The following STK32B variants were observed in gnomAD, a reference collection of about 807,000 sequenced individuals.
The protein encoded by STK32B is serine/threonine kinase 32B.
In STK32B, 43 loss-of-function variants were observed where a neutral mutation model predicts 52.6. The ratio of observed to expected loss-of-function variants is 0.82; its 90% CI spans 0.64 to 1.05. The LOEUF (loss-of-function observed/expected upper bound fraction) is 1.05. STK32B is among the 50% of genes least tolerant of loss of function. The pLI, the probability that STK32B is intolerant of heterozygous loss-of-function variation, is 0.00. For missense variants in STK32B, 621 were observed against 534.6 expected (o/e 1.16, Z -1.59); for synonymous variants, 238 against 204.3 (o/e 1.17, Z -1.41).
intron 1 of STK32B, among the ~76,000 whole-genome samples, chr4:5,117,000 T>G (rs1577078832): frequency 6.6e-6 from 1 of 152,358 alleles, no homozygotes; most frequent in East Asian, 1.9e-4. Context: ...GTTTGTATCC[T>G]GCAACTTTAC....
intron 3 of STK32B, among the ~76,000 whole-genome samples, chr4:5,229,428 A>C (rs555559416): frequency 1.3e-5 from 2 of 152,308 alleles, no homozygotes; most frequent in South Asian, 4.1e-4. Context: ...ATAAATTATT[A>C]GTATCTATGA....
intron 1 of STK32B, among the ~76,000 whole-genome samples, chr4:5,082,247 C>T (rs1364104930): frequency 2.6e-5 from 4 of 152,090 alleles, no homozygotes; most frequent in African/African-American, 9.7e-5. Context: ...GTTTTTGTGA[C>T]TTTTCCCAAT....
chr4:5,416,347 T>C (rs1369004207), intron 5 of STK32B, among the ~76,000 whole-genome samples: 1 of 152,180 alleles, frequency 6.6e-6, no homozygotes, highest in African/African-American at 2.4e-5. Flanking sequence ...CACTTCATCC[T>C]GGATGGAAGG....
chr4:5,307,185 T>C (rs187493635), intron 3 of STK32B, among the ~76,000 whole-genome samples: 20 of 152,334 alleles, frequency 1.3e-4, no homozygotes, highest in African/African-American at 4.8e-4. Context: ...TGTCTAGATC[T>C]TTAACAAGCC....
rs527630928 is a variant in STK32B at position 5,448,167 on chromosome 4, T to C, written c.666+1391T>C. Reference sequence around the variant, plus strand: ...AACAATTTTCTGCTCTTGATCTCAGTTATTTCCCCTGAATTCCTCAAAAAC... The same window carrying C: ...AACAATTTTCTGCTCTTGATCTCAGCTATTTCCCCTGAATTCCTCAAAAAC... On this transcript the variant is annotated intron_variant, in intron 7 of 11. Transcript: ENST00000282908. 5.3e-5 allele frequency among the ~76,000 whole-genome samples: 8 copies of C among 152,374 alleles called. No individual in the cohort carries two copies. The East Asian group carries it at 1.5e-3, about 29-fold the overall frequency.
chr4:5,170,355 A>T (rs1408503837), intron 3 of STK32B, among the ~76,000 whole-genome samples: 3 of 152,126 alleles, frequency 2.0e-5, no homozygotes, highest in African/African-American at 7.2e-5. Context: ...CATGTGCACA[A>T]CGTGCAGGTT....
the STK32B span, among the ~76,000 whole-genome samples, chr4:5,035,375 C>T: frequency 6.6e-6 from 1 of 152,300 alleles, no homozygotes; most frequent in South Asian, 2.1e-4. Flanking sequence ...AATTATAGAG[C>T]TCGACACATA....
At position 5,395,812 on chromosome 4, in the gene STK32B, A is replaced by G. The variant is rs1736850657; in HGVS notation, c.435-2395A>G. On this transcript the variant is annotated intron_variant, in intron 4 of 11. Transcript: ENST00000282908. This position sits in a 1 kb window ranked among gnomAD's most constrained non-coding sequence, Gnocchi z 4.4. ...TCAAAAGTGAGACTGGAGTTGGAAC[A>G]CAGACTGTCTAGATCATGGGCTGAA... 6.6e-6 allele frequency among the ~76,000 whole-genome samples: 1 copy of G among 152,250 alleles called. No individual in the cohort carries two copies. Among genetic ancestry groups the G allele is most frequent in the Non-Finnish European group, 1.5e-5 (1 of 68,044 alleles).
intron 1 of STK32B, among the ~76,000 whole-genome samples, chr4:5,077,850 G>A (rs1428609451): frequency 6.6e-6 from 1 of 152,120 alleles, no homozygotes; most frequent in African/African-American, 2.4e-5. Flanking sequence ...TCATCCTGTA[G>A]GATGCTTTTG....
chr4:5,344,458 T>G (rs6817527), intron 4 of STK32B, among the ~76,000 whole-genome samples: 1 of 151,952 alleles, frequency 6.6e-6, no homozygotes, highest in Non-Finnish European at 1.5e-5. Context: ...AACTAACAGT[T>G]TCAGTACTGA....
intron 11 of STK32B, among the ~76,000 whole-genome samples, chr4:5,479,185 TC>T (rs1388462024): frequency 6.6e-6 from 1 of 150,958 alleles, no homozygotes; most frequent in East Asian, 2.0e-4. Context: ...AGTGGCATGA[TC>T]TCGGCTCACT....
At chr4:5,269,902 A>AC (rs35737197) in intron 3 of STK32B, among the ~76,000 whole-genome samples, 29,985 of 151,990 alleles carry the variant, frequency 0.2, 6,126 homozygotes, top group African/African-American at 0.52. Flanking sequence ...ATTCAACAAT[A>AC]ATAAAAGAAT....
chr4:5,360,304 GC>G (rs1560351180), intron 4 of STK32B, among the ~76,000 whole-genome samples: 1 of 152,066 alleles, frequency 6.6e-6, no homozygotes, highest in Non-Finnish European at 1.5e-5. Flanking sequence ...CTCCATGGGG[GC>G]AGAACCATGC....
intron 1 of STK32B, among the ~76,000 whole-genome samples, chr4:5,060,589 A>T (rs1278504209): frequency 8.0e-6 from 1 of 124,512 alleles, no homozygotes; most frequent in Non-Finnish European, 1.9e-5. Context: ...TAGATCATTG[A>T]TTATACTTAC....
intron 11 of STK32B, among the ~76,000 whole-genome samples, chr4:5,485,559 G>C (rs1249636267): frequency 6.6e-6 from 1 of 152,098 alleles, no homozygotes; most frequent in Non-Finnish European, 1.5e-5. Flanking sequence ...GGAGTTGTTT[G>C]ATCTTCTGAA....
intron 4 of STK32B, among the ~76,000 whole-genome samples, chr4:5,365,790 G>A (rs1734837107): frequency 1.3e-5 from 2 of 152,200 alleles, no homozygotes; most frequent in Admixed American, 1.3e-4. Flanking sequence ...GGACTGATGA[G>A]TGAGTCACTG....
chr4:5,485,836 G>A (rs1047200699), intron 11 of STK32B, among the ~76,000 whole-genome samples: 16 of 152,220 alleles, frequency 1.1e-4, no homozygotes, highest in Admixed American at 6.5e-5. Flanking sequence ...GTCTGTTGGA[G>A]TTTGCTGGAG....
chr4:5,383,187 C>A (rs141506046), intron 4 of STK32B, among the ~76,000 whole-genome samples: 1 of 152,064 alleles, frequency 6.6e-6, no homozygotes, highest in East Asian at 1.9e-4. Flanking sequence ...CTGGAGGGTG[C>A]GTATTTTTCA....
intron 5 of STK32B, among the ~76,000 whole-genome samples, chr4:5,411,134 C>T (rs1711633203): frequency 6.6e-6 from 1 of 151,418 alleles, no homozygotes; most frequent in South Asian, 2.1e-4. Context: ...TTCCTGGGTT[C>T]ATGCCATTCT....
Sources: allele counts gnomAD v4.1 joint callset (sites outside exome capture counted in the v4.1 genomes callset), GRCh38; gene constraint gnomAD v4.1.1; non-coding constraint Gnocchi (gnomAD v3.1); transcripts MANE v1.5; gene names NCBI Gene and HGNC (gene_info 2026-07-23, HGNC 2026-07-21).